The following AGMO variants were observed in gnomAD, a reference collection of about 807,000 sequenced individuals.
The protein encoded by AGMO is alkylglycerol monooxygenase, also known as glyceryl-ether monooxygenase.
AGMO carries 75 observed loss-of-function variants against 60.2 expected under a neutral mutation model. The observed-to-expected ratio is 1.25, with a 90% CI of 1.03 to 1.51. The LOEUF (loss-of-function observed/expected upper bound fraction) is 1.51. AGMO is among the 40% of genes most tolerant of loss of function. The pLI is 0.00. For missense variants in AGMO, 763 were observed against 525.5 expected (o/e 1.45, Z -4.42); for synonymous variants, 261 against 177.1 (o/e 1.47, Z -3.76).
rs1339992074 is a variant in AGMO, at chr7:15,394,101, A to C, written c.676+12T>G. On this transcript the variant is annotated intron_variant, in intron 6 of 12. Transcript: ENST00000342526. ...AAATGAAGAAAAGAGAGAAGAAACAAAACTTCCTTACCATGATGAACCCTA... is the reference window on the plus strand; with the variant it reads ...AAATGAAGAAAAGAGAGAAGAAACACAACTTCCTTACCATGATGAACCCTA... 2.5e-6 allele frequency: 4 copies of C among 1,593,424 alleles called. No individual in the cohort carries two copies. The highest frequency in any genetic ancestry group is 2.7e-5 in the African/African-American group (2 of 74,314).
downstream of AGMO, among the ~76,000 whole-genome samples, chr7:15,198,253 G>GAGAGAGAGAC (rs1781184227): frequency 3.2e-5 from 2 of 63,452 alleles, no homozygotes; most frequent in South Asian, 5.4e-4. Flanking sequence ...GAGAGAGAGA[G>GAGAGAGAGAC]AGACAGAGAC....
chr7:15,297,647 G>C (rs1265215699), intron 12 of AGMO, among the ~76,000 whole-genome samples: 1 of 152,086 alleles, frequency 6.6e-6, no homozygotes, highest in Non-Finnish European at 1.5e-5. Flanking sequence ...CCTGGGAAAA[G>C]AAAAATATCT....
chr7:15,229,337 G>A (rs1448572044), intron 12 of AGMO, among the ~76,000 whole-genome samples: 5 of 150,962 alleles, frequency 3.3e-5, no homozygotes, highest in Non-Finnish European at 5.9e-5. Flanking sequence ...ATACTACTAG[G>A]GATAATATAT....
chr7:15,522,590 T>C (rs1784025995), intron 3 of AGMO, among the ~76,000 whole-genome samples: 1 of 151,494 alleles, frequency 6.6e-6, no homozygotes, highest in Non-Finnish European at 1.5e-5. Context: ...ATAAAAGCAA[T>C]GGGAAACAGA....
In AGMO at chr7:15,507,402, T is replaced by C. The variant is rs146988009; in HGVS notation, c.409+37370A>G. 1.9e-4 allele frequency among the ~76,000 whole-genome samples: 29 copies of C among 152,222 alleles called. No homozygotes were observed. The East Asian group carries it at 4.8e-3, about 25-fold the overall frequency. Reference sequence around the variant, plus strand: ...TGTCCACAAAGTCAAACTTGAATCTTATCCAGCCTCTAGAACCTACCAAGA... The same window carrying C: ...TGTCCACAAAGTCAAACTTGAATCTCATCCAGCCTCTAGAACCTACCAAGA... On this transcript the variant is annotated intron_variant, in intron 3 of 12. Coordinates refer to ENST00000342526, the MANE Select transcript of AGMO (RefSeq NM_001004320.2).
the AGMO span, among the ~76,000 whole-genome samples, chr7:15,120,999 T>A: frequency 6.6e-6 from 1 of 151,954 alleles, no homozygotes; most frequent in Admixed American, 6.6e-5. Context: ...CAGGCCACCG[T>A]GTGTGATGTT....
chr7:15,310,225 T>A (rs984703939), intron 12 of AGMO, among the ~76,000 whole-genome samples: 5 of 152,160 alleles, frequency 3.3e-5, no homozygotes, highest in African/African-American at 4.8e-5. Flanking sequence ...AATGCAAAAG[T>A]GCTCAAAAAA....
At chr7:15,387,732 C>T (rs147476114) in intron 8 of AGMO, among the ~76,000 whole-genome samples, 192 bp from the exon 9 acceptor site, 636 of 152,080 alleles carry the variant, frequency 4.2e-3, no homozygotes, top group Middle Eastern at 6.8e-3. Context: ...CCATTAAGTG[C>T]GTTGTTGTCA....
chr7:15,418,790 T>C, intron 4 of AGMO, 137 bp from the exon 5 acceptor site: 1 of 573,372 alleles, frequency 1.7e-6, no homozygotes, highest in Non-Finnish European at 2.9e-6. Flanking sequence ...TTGCCATGTT[T>C]ACTTTGCAAC....
chr7:15,227,539 A>T (rs919876593), intron 12 of AGMO, among the ~76,000 whole-genome samples: 2 of 151,954 alleles, frequency 1.3e-5, no homozygotes, highest in Non-Finnish European at 2.9e-5. Flanking sequence ...ACTTACAAAA[A>T]CACTAAAACT....
chr7:15,322,283 A>C (rs975346236), intron 12 of AGMO, among the ~76,000 whole-genome samples: 1 of 148,214 alleles, frequency 6.7e-6, no homozygotes, highest in Non-Finnish European at 1.5e-5. Context: ...GACGCCACTT[A>C]AAAAAACAAA....
chr7:15,172,538 A>C, the AGMO span, among the ~76,000 whole-genome samples: 1 of 152,188 alleles, frequency 6.6e-6, no homozygotes, highest in East Asian at 1.9e-4. Context: ...CATGTGACTT[A>C]GTTATCAAGT....
chr7:15,197,888 T>A (rs1781160590), downstream of AGMO, among the ~76,000 whole-genome samples: 1 of 152,176 alleles, frequency 6.6e-6, no homozygotes, highest in Admixed American at 6.5e-5. Flanking sequence ...TGGACTTCAA[T>A]GTTCGACTTC....
chr7:15,560,359 G>A, intron 1 of AGMO, 88 bp from the exon 2 acceptor site: 1 of 1,440,538 alleles, frequency 6.9e-7, no homozygotes, highest in Non-Finnish European at 9.3e-7. Context: ...AGAATTGAAA[G>A]GCCCAGATTT....
At chr7:15,121,403 T>G in the AGMO span, among the ~76,000 whole-genome samples, 6 of 152,170 alleles carry the variant, frequency 3.9e-5, no homozygotes, top group African/African-American at 1.4e-4. Flanking sequence ...CCACACTGTC[T>G]TCCACAATGG....
chr7:15,515,389 G>A (rs1783781288), intron 3 of AGMO, among the ~76,000 whole-genome samples: 1 of 152,092 alleles, frequency 6.6e-6, no homozygotes, highest in Non-Finnish European at 1.5e-5. Context: ...GAACCCAAAC[G>A]GTTCCTTTCT....
intron 12 of AGMO, among the ~76,000 whole-genome samples, chr7:15,314,623 A>T (rs189630441): frequency 4.6e-5 from 7 of 152,182 alleles, no homozygotes; most frequent in Non-Finnish European, 4.4e-5. Context: ...TATTTATGAC[A>T]TATCAAAAAA....
intron 3 of AGMO, among the ~76,000 whole-genome samples, chr7:15,483,270 G>A (rs1406749163): frequency 2.6e-5 from 4 of 152,008 alleles, no homozygotes; most frequent in African/African-American, 4.8e-5. Flanking sequence ...ATTTTTAAAT[G>A]GTACAATATT....
chr7:15,166,557 G>A, the AGMO span, among the ~76,000 whole-genome samples: 8 of 152,084 alleles, frequency 5.3e-5, no homozygotes, highest in African/African-American at 1.9e-4. Context: ...GTAGGAACAG[G>A]ATCCATCTTA....
Sources: allele counts gnomAD v4.1 joint callset (sites outside exome capture counted in the v4.1 genomes callset), GRCh38; gene constraint gnomAD v4.1.1; transcripts MANE v1.5; gene names NCBI Gene and HGNC (gene_info 2026-07-23, HGNC 2026-07-21).